The following PIK3C2G variants were observed in gnomAD, a reference collection of about 807,000 sequenced individuals.
The protein encoded by PIK3C2G is phosphatidylinositol-4-phosphate 3-kinase catalytic subunit type 2 gamma.
A neutral mutation model predicts 181.1 loss-of-function variants in PIK3C2G; 168 were observed. The observed-to-expected ratio is 0.93, with a 90% confidence interval of 0.82 to 1.05. The LOEUF is 1.05. Among genes scored for constraint, PIK3C2G ranks in the 50% least tolerant of loss-of-function variants. PIK3C2G has a pLI of 0.00. For missense variants in PIK3C2G, 1,869 were observed against 1,732.8 expected, an observed-to-expected ratio of 1.08 and a Z score of -1.40; for synonymous variants, 573 against 592.2, an observed-to-expected ratio of 0.97 and a Z score of 0.47.
chr12:18,641,441 C>A (rs541870294), intron 32 of PIK3C2G, among the ~76,000 whole-genome samples: 2 of 152,240 alleles, frequency 1.3e-5, no homozygotes, highest in South Asian at 4.1e-4. Flanking sequence ...CTGACCACAG[C>A]CCCATTCCTG....
chr12:18,254,567 G>A (rs1480584856), intron 1 of PIK3C2G, among the ~76,000 whole-genome samples: 1 of 151,922 alleles, frequency 6.6e-6, no homozygotes. Context: ...AGTTTGGGCT[G>A]GGCGTGGTAG....
At chr12:18,393,385 C>A (rs1427881901) in intron 15 of PIK3C2G, among the ~76,000 whole-genome samples, 1 of 152,024 alleles carries the variant, frequency 6.6e-6, no homozygotes, top group Non-Finnish European at 1.5e-5. Flanking sequence ...AGATTAACCT[C>A]AGTTTCCCAG....
chr12:18,359,794 CATAGA>C (rs1373111134), intron 11 of PIK3C2G, among the ~76,000 whole-genome samples: 1 of 152,110 alleles, frequency 6.6e-6, no homozygotes, highest in Non-Finnish European at 1.5e-5. Flanking sequence ...TTACTGTTTG[CATAGA>C]ATAGCTATTT....
intron 26 of PIK3C2G, among the ~76,000 whole-genome samples, chr12:18,561,311 T>TA (rs1394671243): frequency 6.6e-6 from 1 of 152,048 alleles, no homozygotes; most frequent in African/African-American, 2.4e-5. Context: ...CGTAGGTCAA[T>TA]AAAAAAATGG....
intron 18 of PIK3C2G, among the ~76,000 whole-genome samples, chr12:18,427,473 C>G (rs2135738539): frequency 6.8e-6 from 1 of 147,424 alleles, no homozygotes; most frequent in East Asian, 2.0e-4. Context: ...TGCACTCCAG[C>G]CTGGGCTGAC....
chr12:18,646,153 C>T (rs1323513670), intron 32 of PIK3C2G, among the ~76,000 whole-genome samples: 1 of 151,918 alleles, frequency 6.6e-6, no homozygotes, highest in Non-Finnish European at 1.5e-5. Flanking sequence ...CTTTATTATC[C>T]CAGGAAAACT....
chr12:18,645,332 C>T (rs780262598), intron 32 of PIK3C2G, among the ~76,000 whole-genome samples: 1 of 152,062 alleles, frequency 6.6e-6, no homozygotes, highest in Non-Finnish European at 1.5e-5. Context: ...CCAAAGCAAT[C>T]AGAATAGATA....
chr12:18,519,427 T>C (rs937133709), intron 24 of PIK3C2G, among the ~76,000 whole-genome samples: 17 of 152,238 alleles, frequency 1.1e-4, no homozygotes, highest in Non-Finnish European at 1.9e-4. Flanking sequence ...TATATAAGAA[T>C]AGTTAGCTCT....
the PIK3C2G span, among the ~76,000 whole-genome samples, chr12:18,681,145 G>T: frequency 6.6e-6 from 1 of 152,002 alleles, no homozygotes; most frequent in Non-Finnish European, 1.5e-5. Context: ...AAGGAAACAC[G>T]ACAGTTTAGC....
the PIK3C2G span, among the ~76,000 whole-genome samples, chr12:18,713,981 C>T: frequency 1.3e-5 from 2 of 152,124 alleles, no homozygotes; most frequent in South Asian, 2.1e-4. Flanking sequence ...TTTATTTACT[C>T]TGTGTCAGTG....
rs1565559213 is a variant in PIK3C2G, at chr12:18,609,542, GT to G, written c.4098del (p.Pro1367GlnfsTer9). ...ATTCTATTCTTTTATCAGGTGAGAAGTTTCCAGACAAGAAGCCTAAGGTGCA... is the reference window on the plus strand; with the variant it reads ...ATTCTATTCTTTTATCAGGTGAGAAGTTCCAGACAAGAAGCCTAAGGTGCA... ...ESSPVYLGEK[F>X]PDKKPKVQLV... is the part of the protein sequence containing the mutation. On this transcript the variant is annotated frameshift_variant, in exon 31 of 33. Coordinates refer to ENST00000538779, the MANE Select transcript of PIK3C2G (RefSeq NM_001288772.2). LOFTEE classifies it high-confidence loss of function. 2.5e-6 allele frequency: 4 copies of G among 1,574,750 alleles called. No homozygotes were observed. In the South Asian group the frequency reaches 3.5e-5, roughly 14 times the overall value.
At chr12:18,263,548 C>G (rs553062106) in intron 1 of PIK3C2G, among the ~76,000 whole-genome samples, 1 of 152,206 alleles carries the variant, frequency 6.6e-6, no homozygotes, top group South Asian at 2.1e-4. Context: ...GCAGTATAAA[C>G]TGTTGCCATT....
At chr12:18,629,048 T>C (rs914617214) in intron 31 of PIK3C2G, among the ~76,000 whole-genome samples, 2 of 152,224 alleles carry the variant, frequency 1.3e-5, no homozygotes, top group Non-Finnish European at 2.9e-5. Context: ...TTTGACAAAA[T>C]AATAGCAAAC....
chr12:18,307,389 T>G (rs532414171), intron 5 of PIK3C2G, among the ~76,000 whole-genome samples: 2 of 151,928 alleles, frequency 1.3e-5, no homozygotes. Flanking sequence ...AAGCCTAAAC[T>G]TTTTATTGTA....
At chr12:18,250,629 C>T (rs1042578152) in intron 1 of PIK3C2G, among the ~76,000 whole-genome samples, 1 of 152,056 alleles carries the variant, frequency 6.6e-6, no homozygotes, top group African/African-American at 2.4e-5. Flanking sequence ...AAATGCCCTA[C>T]TGCCCTTTCC....
chr12:18,402,027 T>C (rs1944274720), intron 16 of PIK3C2G, among the ~76,000 whole-genome samples: 1 of 152,098 alleles, frequency 6.6e-6, no homozygotes, highest in African/African-American at 2.4e-5. Context: ...ATGAAGTATA[T>C]ACTCAAGATA....
intron 14 of PIK3C2G, among the ~76,000 whole-genome samples, chr12:18,389,648 T>C (rs1943413881): frequency 2.0e-5 from 3 of 152,182 alleles, no homozygotes; most frequent in Admixed American, 2.0e-4. Flanking sequence ...GGAAGTTTTC[T>C]CTTATAAAAA....
intron 31 of PIK3C2G, among the ~76,000 whole-genome samples, chr12:18,634,460 C>T (rs879419098): frequency 1.1e-4 from 17 of 152,296 alleles, no homozygotes; most frequent in Non-Finnish European, 1.9e-4. Flanking sequence ...GCACAAGGAA[C>T]GCAAATCCAT....
chr12:18,275,617 G>C (rs182980968), intron 1 of PIK3C2G, among the ~76,000 whole-genome samples: 1 of 152,000 alleles, frequency 6.6e-6, no homozygotes, highest in African/African-American at 2.4e-5. Flanking sequence ...TCCTGAGCTC[G>C]TGATCCACCC....
Sources: allele counts gnomAD v4.1 joint callset (sites outside exome capture counted in the v4.1 genomes callset), GRCh38; gene constraint gnomAD v4.1.1; transcripts MANE v1.5; gene names NCBI Gene and HGNC (gene_info 2026-07-23, HGNC 2026-07-21).